ADK: variants seen among roughly 807,000 people sequenced by gnomAD.
ADK encodes adenosine kinase.
A neutral mutation model predicts 44.7 loss-of-function variants in ADK; 24 were observed. That is an observed-to-expected ratio of 0.54 (90% CI 0.39 to 0.76). ADK has a LOEUF of 0.76. Ranked by LOEUF, ADK falls within the 30% of genes least tolerant of loss-of-function variation. The pLI is 0.00. For missense variants in ADK, 321 were observed against 425.1 expected, an observed-to-expected ratio of 0.76 and a Z score of 2.15; for synonymous variants, 128 against 142.6, an observed-to-expected ratio of 0.90 and a Z score of 0.73.
chr10:74,615,960 C>T (rs186536200), intron 9 of ADK, among the ~76,000 whole-genome samples: 294 of 152,220 alleles, frequency 1.9e-3, no homozygotes, highest in African/African-American at 6.5e-3. Flanking sequence ...CCACCTGCCT[C>T]GGCCTCCCAA....
chr10:74,330,017 AAT>A (rs1288782282), intron 4 of ADK, among the ~76,000 whole-genome samples: 1 of 151,760 alleles, frequency 6.6e-6, no homozygotes, highest in African/African-American at 2.4e-5. Context: ...AAAAAAAAAA[AAT>A]TAGCCAGGCA....
At chr10:74,592,325 C>T (rs753353833) in intron 8 of ADK, among the ~76,000 whole-genome samples, 31 of 151,756 alleles carry the variant, frequency 2.0e-4, no homozygotes, top group Non-Finnish European at 3.8e-4. Context: ...TTTCTTGAGC[C>T]GAACTGATTA....
intron 1 of ADK, among the ~76,000 whole-genome samples, chr10:74,174,873 C>T (rs1470155516): frequency 6.6e-6 from 1 of 152,202 alleles, no homozygotes; most frequent in Non-Finnish European, 1.5e-5. Flanking sequence ...CTAAAAATAG[C>T]ATTTTCTAAA....
chr10:74,551,197 G>A (rs899300356), intron 7 of ADK, among the ~76,000 whole-genome samples: 59 of 152,090 alleles, frequency 3.9e-4, no homozygotes, highest in Non-Finnish European at 1.8e-4. Context: ...ATAGTATTGG[G>A]ATCAGTGGAT....
At chr10:74,610,617 A>G (rs1034326759) in intron 9 of ADK, among the ~76,000 whole-genome samples, 4 of 152,288 alleles carry the variant, frequency 2.6e-5, no homozygotes, top group East Asian at 1.9e-4. Flanking sequence ...AAAATTAAAC[A>G]TAACCTAAAG....
At chr10:74,316,482 TAGTG>T (rs1324663438) in intron 4 of ADK, among the ~76,000 whole-genome samples, 3 of 152,176 alleles carry the variant, frequency 2.0e-5, no homozygotes, top group Admixed American at 6.5e-5. Context: ...ATTCTCCTGA[TAGTG>T]AGTGAGTTCT....
intron 9 of ADK, among the ~76,000 whole-genome samples, chr10:74,603,359 C>T (rs998782181): frequency 1.2e-4 from 18 of 151,986 alleles, no homozygotes. Flanking sequence ...CTGCACCTAT[C>T]AACCCATCAT....
At chr10:74,545,414 C>G (rs1849790154) in intron 7 of ADK, among the ~76,000 whole-genome samples, 1 of 152,170 alleles carries the variant, frequency 6.6e-6, no homozygotes, top group African/African-American at 2.4e-5. Context: ...ATTTAACAAG[C>G]CGTGGACTCT....
intron 3 of ADK, among the ~76,000 whole-genome samples, chr10:74,235,804 G>T (rs1455221255): frequency 6.6e-6 from 1 of 152,180 alleles, no homozygotes; most frequent in Non-Finnish European, 1.5e-5. Context: ...AAGAGGTGGA[G>T]GCCTTTAAGA....
intron 3 of ADK, among the ~76,000 whole-genome samples, chr10:74,230,090 A>G (rs540882859): frequency 7.0e-6 from 1 of 143,218 alleles, no homozygotes; most frequent in South Asian, 2.2e-4. Flanking sequence ...AGAACTGGAT[A>G]TCTGTAAAGC....
intron 10 of ADK, among the ~76,000 whole-genome samples, chr10:74,672,320 G>T (rs1041241753): frequency 1.1e-4 from 16 of 151,958 alleles, no homozygotes; most frequent in African/African-American, 3.9e-4. Context: ...CTTTTAATAC[G>T]TAAAAACCTT....
intron 9 of ADK, among the ~76,000 whole-genome samples, chr10:74,660,048 A>C (rs554034336): frequency 6.6e-6 from 1 of 152,182 alleles, no homozygotes; most frequent in African/African-American, 2.4e-5. Context: ...TTATGTGCCA[A>C]CTTTTCCAAG....
intron 6 of ADK, among the ~76,000 whole-genome samples, chr10:74,429,755 G>A (rs1438073382): frequency 1.3e-5 from 2 of 152,144 alleles, no homozygotes; most frequent in Non-Finnish European, 2.9e-5. Context: ...GAGTGATTCT[G>A]TCAGTACACT....
intron 6 of ADK, among the ~76,000 whole-genome samples, chr10:74,522,888 T>C (rs1014381055): frequency 6.6e-6 from 1 of 152,184 alleles, no homozygotes; most frequent in African/African-American, 2.4e-5. Flanking sequence ...CTCCAATAGA[T>C]CCTTTTCTTT....
At chr10:74,537,817 T>A (rs560408974) in intron 7 of ADK, among the ~76,000 whole-genome samples, 5 of 152,108 alleles carry the variant, frequency 3.3e-5, no homozygotes, top group Non-Finnish European at 5.9e-5. Context: ...CCATGCACTT[T>A]AAGATAGTTT....
chr10:74,411,706 G>A (rs1529), intron 6 of ADK, among the ~76,000 whole-genome samples: 97,971 of 151,468 alleles, frequency 0.65, 32,907 homozygotes, highest in Middle Eastern at 0.8. Flanking sequence ...AAATAAGACA[G>A]CAATGAAGTT....
At chr10:74,256,594 G>C (rs868536181) in intron 3 of ADK, among the ~76,000 whole-genome samples, 16 of 152,094 alleles carry the variant, frequency 1.1e-4, no homozygotes, top group South Asian at 4.1e-4. Context: ...TTAATTACCA[G>C]TGCAAGACTG....
chr10:74,284,219 C>A (rs545688457), intron 3 of ADK, among the ~76,000 whole-genome samples: 1 of 151,242 alleles, frequency 6.6e-6, no homozygotes, highest in Non-Finnish European at 1.5e-5. Context: ...CTTGGCCTCC[C>A]AAAGTGCTAG....
chr10:74,153,120 A>G (rs2132022425), intron 1 of ADK, among the ~76,000 whole-genome samples: 1 of 152,350 alleles, frequency 6.6e-6, no homozygotes, highest in Non-Finnish European at 1.5e-5. Context: ...AAGACTTTGC[A>G]TAATTTAATG....
Sources: allele counts gnomAD v4.1 joint callset (sites outside exome capture counted in the v4.1 genomes callset), GRCh38; gene constraint gnomAD v4.1.1; transcripts MANE v1.5; gene names NCBI Gene and HGNC (gene_info 2026-07-23, HGNC 2026-07-21).